VPS13B: variants seen among roughly 807,000 people sequenced by gnomAD.
The protein encoded by VPS13B is intermembrane lipid transfer protein VPS13B.
A neutral mutation model predicts 426.4 loss-of-function variants in VPS13B; 285 were observed. That is an observed-to-expected ratio of 0.67 (90% confidence interval 0.61 to 0.74). The LOEUF (loss-of-function observed/expected upper bound fraction) is 0.74, where lower values mean the gene tolerates loss of function less well. Among genes scored for constraint, VPS13B ranks in the 30% least tolerant of loss-of-function variants. The pLI, the probability that VPS13B is intolerant of heterozygous loss-of-function variation, is 0.00. For synonymous variants in VPS13B, 1,676 were observed against 1,676.4 expected (o/e 1.00, Z 0.01); for missense variants, 4,537 against 4,782.6 (o/e 0.95, Z 1.51).
intron 3 of VPS13B, among the ~76,000 whole-genome samples, chr8:99,077,140 C>T (rs1201506413): frequency 6.6e-6 from 1 of 152,018 alleles, no homozygotes; most frequent in African/African-American, 2.4e-5. Flanking sequence ...TGAATTCCCT[C>T]AGTTTTTCCT....
intron 33 of VPS13B, among the ~76,000 whole-genome samples, chr8:99,640,049 GAGAAAAGAAAAGAAA>G (rs563436577): frequency 0.021 from 2,039 of 99,364 alleles, 54 homozygotes; most frequent in African/African-American, 0.038. Context: ...AGAAGAAGAA[GAGAAAAGAAAAGAAA>G]AGAAAAGAAA....
At position 99,861,808 on chromosome 8, in the gene VPS13B, A is replaced by T. The variant is rs146571766; in HGVS notation, c.11077A>T (p.Ser3693Cys). The T allele has an allele frequency of 1.3e-6, 2 of 1,598,754 alleles. No individual in the cohort carries two copies. Among genetic ancestry groups the T allele is most frequent in the Non-Finnish European group, 1.7e-6 (2 of 1,172,962 alleles). ...TLTSITNLATSLARNMDRLSL... is the reference protein window; with the variant it reads ...TLTSITNLATCLARNMDRLSL... ...CACATCCATCACCAACCTCGCCACAAGCCTGGCCCGGAACATGGACCGGCT... is the reference window on the plus strand; with the variant it reads ...CACATCCATCACCAACCTCGCCACATGCCTGGCCCGGAACATGGACCGGCT... Residue 3693 changes from serine (S) to cysteine (C), a missense_variant, in exon 58 of 62, where the codon AGC becomes TGC. Physicochemically the swap from Ser to Cys is moderately radical, Grantham distance 112. Transcript: ENST00000357162.
chr8:99,021,274 T>C (rs1368953851), intron 2 of VPS13B, among the ~76,000 whole-genome samples: 3 of 152,226 alleles, frequency 2.0e-5, no homozygotes, highest in Non-Finnish European at 4.4e-5. Flanking sequence ...TAAATCGTTA[T>C]ATGTAAGGAA....
intron 33 of VPS13B, chr8:99,614,189 T>G (rs1827966367): frequency 6.6e-6 from 1 of 152,146 alleles, no homozygotes; most frequent in Non-Finnish European, 1.5e-5. Context: ...GCAGATTATG[T>G]AGGCTACTGT....
intron 39 of VPS13B, among the ~76,000 whole-genome samples, chr8:99,733,228 T>G (rs1431038983): frequency 1.3e-5 from 2 of 152,176 alleles, no homozygotes; most frequent in African/African-American, 4.8e-5. Context: ...AGATCATTTC[T>G]TGGGAGCTAC....
At chr8:99,117,415 ATG>A (rs1847715267) in intron 7 of VPS13B, among the ~76,000 whole-genome samples, 1 of 152,202 alleles carries the variant, frequency 6.6e-6, no homozygotes, top group African/African-American at 2.4e-5. Context: ...TAGAGTTACC[ATG>A]TTGACCCAGC....
chr8:99,575,785 G>C lies in VPS13B; in HGVS notation c.5076+1G>C, dbSNP rs1825747036. ...TTCTCCAGAAAATTTGCATACTGAGGTTAGAACATAATTTTGATTTTATTT... is the reference window on the plus strand; with the variant it reads ...TTCTCCAGAAAATTTGCATACTGAGCTTAGAACATAATTTTGATTTTATTT... On this transcript the variant is annotated splice_donor_variant, in intron 32 of 61. Coordinates refer to ENST00000357162, the MANE Select transcript of VPS13B (RefSeq NM_152564.5). LOFTEE classifies it high-confidence loss of function. 6.2e-7 allele frequency: 1 copy of C among 1,612,950 alleles called. No individual in the cohort carries two copies. Among genetic ancestry groups the C allele is most frequent in the African/African-American group, 1.3e-5 (1 of 74,882 alleles).
At chr8:99,138,597 G>C (rs1810210993) in intron 12 of VPS13B, among the ~76,000 whole-genome samples, 1 of 152,206 alleles carries the variant, frequency 6.6e-6, no homozygotes, top group African/African-American at 2.4e-5. Context: ...TTACTTGGTG[G>C]ATAGTGATAA....
intron 41 of VPS13B, 68 bp from the exon 42 acceptor site, chr8:99,778,614 T>G: frequency 4.3e-6 from 6 of 1,383,166 alleles, no homozygotes; most frequent in Non-Finnish European, 6.2e-6. Context: ...GAATGTCATT[T>G]CACTCTTTAT....
At chr8:99,232,973 C>G (rs1356870218) in intron 17 of VPS13B, 21 of 698,738 alleles carry the variant, frequency 3.0e-5, no homozygotes, top group Non-Finnish European at 5.1e-5. Context: ...ATCTGGCTGG[C>G]TGTGTTTGGT....
chr8:99,237,378 T>G (rs1179732655), intron 17 of VPS13B, among the ~76,000 whole-genome samples: 1 of 152,214 alleles, frequency 6.6e-6, no homozygotes, highest in Non-Finnish European at 1.5e-5. Flanking sequence ...CTTTAACATT[T>G]TATCACTGTT....
At chr8:99,770,730 T>C (rs1811446153) in intron 40 of VPS13B, among the ~76,000 whole-genome samples, 1 of 152,196 alleles carries the variant, frequency 6.6e-6, no homozygotes, top group African/African-American at 2.4e-5. Flanking sequence ...ACCTTGTGGG[T>C]ACCTCCCACT....
At position 99,492,777 on chromosome 8, in the gene VPS13B, G is replaced by A. The variant is rs1397175965; in HGVS notation, c.3871-8910G>A. Among the ~76,000 whole-genome samples, 4 of 152,150 alleles carry A rather than the reference G, an allele frequency of 2.6e-5. No individual in the cohort carries two copies. The South Asian group carries it at 6.2e-4, about 24-fold the overall frequency. ...GTTCCTCCAGGTACAGTCTGTCATG[G>A]CTTCCTTTGGCAGGAAAGGGAAATC... On this transcript the variant is annotated intron_variant, in intron 25 of 61. Transcript: ENST00000357162.
At chr8:99,528,168 C>A (rs1588464955) in intron 30 of VPS13B, among the ~76,000 whole-genome samples, 1 of 151,930 alleles carries the variant, frequency 6.6e-6, no homozygotes, top group Non-Finnish European at 1.5e-5. Context: ...CTGAATATCT[C>A]ATTTCTCTGA....
At chr8:99,562,538 C>T (rs552132260) in intron 31 of VPS13B, among the ~76,000 whole-genome samples, 23 of 152,278 alleles carry the variant, frequency 1.5e-4, no homozygotes, top group South Asian at 4.1e-4. Flanking sequence ...GCCTTAGCCT[C>T]CCAAAGTTCT....
At chr8:99,402,190 A>G (rs1413579861) in intron 21 of VPS13B, among the ~76,000 whole-genome samples, 2 of 152,188 alleles carry the variant, frequency 1.3e-5, no homozygotes, top group African/African-American at 4.8e-5. Flanking sequence ...AGTTACATGA[A>G]GCAGATTTAT....
Position 99,820,027 on chromosome 8 carries a change from A to G in VPS13B, c.8899A>G (p.Ile2967Val). The change falls in exon 49 of 62, where the codon ATC becomes GTC. Residue 2967 changes from isoleucine (I) to valine (V), a missense_variant. Ile to Val is a conservative substitution (Grantham distance 29, BLOSUM62 3). Transcript: ENST00000357162. Reference sequence around the variant, plus strand: ...AGAACTTCTGCCCTGGGCCCTGCTTATCAATGAATCCAAATGGGACCTCTG... The same window carrying G: ...AGAACTTCTGCCCTGGGCCCTGCTTGTCAATGAATCCAAATGGGACCTCTG... ...LIELLPWALL[I>V]NESKWDLWLF... The G allele has an allele frequency of 1.9e-6, 3 of 1,614,064 alleles. No individual in the cohort carries two copies. The highest frequency in any genetic ancestry group is 2.5e-6 in the Non-Finnish European group (3 of 1,179,942).
At chr8:99,147,801 A>G (rs1810819910) in intron 13 of VPS13B, 40 bp from the exon 14 acceptor site, 2 of 1,285,376 alleles carry the variant, frequency 1.6e-6, no homozygotes, top group Admixed American at 2.9e-5. Flanking sequence ...AATATTATTT[A>G]AAAATATTCT....
chr8:99,839,727 A>C (rs148621321), intron 54 of VPS13B, among the ~76,000 whole-genome samples: 186 of 152,316 alleles, frequency 1.2e-3, no homozygotes, highest in Middle Eastern at 3.4e-3. Context: ...ACAGGTTAGA[A>C]GAGATTTTCT....
Sources: gnomAD v4.1 joint callset for allele counts (sites outside exome capture counted in the v4.1 genomes callset) on GRCh38, gnomAD v4.1.1 for gene constraint, MANE v1.5 for transcripts, NCBI Gene and HGNC (gene_info 2026-07-23, HGNC 2026-07-21) for gene names.